ASTN2: variants seen among roughly 807,000 people sequenced by gnomAD.
ASTN2 encodes the protein astrotactin 2.
In ASTN2, 54 loss-of-function variants were observed where a neutral mutation model predicts 139.8. The observed-to-expected ratio is 0.39, with a 90% CI of 0.31 to 0.48. The LOEUF (loss-of-function observed/expected upper bound fraction) is 0.48, where lower values mean the gene tolerates loss of function less well. Among genes scored for constraint, ASTN2 ranks in the 20% least tolerant of loss-of-function variants. The probability of loss-of-function intolerance (pLI) is 0.95; values close to 1 mark genes in which losing one functional copy is unlikely to be tolerated. For missense variants in ASTN2, 1,565 were observed against 1,725.1 expected, an observed-to-expected ratio of 0.91 and a Z score of 1.64; for synonymous variants, 756 against 719.5, an observed-to-expected ratio of 1.05 and a Z score of -0.81.
intron 16 of ASTN2, among the ~76,000 whole-genome samples, chr9:116,661,931 G>A (rs1166164188): frequency 1.3e-5 from 2 of 151,560 alleles, no homozygotes; most frequent in Non-Finnish European, 2.9e-5. Flanking sequence ...GTTAATGGGT[G>A]CAGCACACCA....
chr9:116,627,952 T>C (rs564272101), intron 17 of ASTN2, among the ~76,000 whole-genome samples: 1 of 152,332 alleles, frequency 6.6e-6, no homozygotes, highest in African/African-American at 2.4e-5. Flanking sequence ...TTGCATTTGT[T>C]TCCAAGGTCA....
chr9:117,151,598 T>C (rs908115857), intron 3 of ASTN2, among the ~76,000 whole-genome samples: 15 of 152,250 alleles, frequency 9.9e-5, no homozygotes, highest in African/African-American at 3.6e-4. Context: ...TAACTCCTTT[T>C]GCAAGGAGAA....
chr9:117,055,637 T>A (rs1839037312), intron 5 of ASTN2, among the ~76,000 whole-genome samples: 1 of 152,156 alleles, frequency 6.6e-6, no homozygotes, highest in African/African-American at 2.4e-5. Flanking sequence ...CTGAAGAACA[T>A]CCTGGCTAGA....
intron 6 of ASTN2, among the ~76,000 whole-genome samples, chr9:117,037,325 T>A (rs1453867153): frequency 6.8e-6 from 1 of 147,846 alleles, no homozygotes; most frequent in Non-Finnish European, 1.5e-5. Context: ...CTGTCTCGGG[T>A]AATCCCTTGA....
At chr9:117,175,526 G>A (rs548166496) in intron 3 of ASTN2, among the ~76,000 whole-genome samples, 2 of 152,228 alleles carry the variant, frequency 1.3e-5, no homozygotes, top group African/African-American at 4.8e-5. Context: ...TGCCCTTTCT[G>A]ATACCAAGAT....
At chr9:116,991,893 A>T (rs1343061040) in intron 7 of ASTN2, among the ~76,000 whole-genome samples, 1 of 152,214 alleles carries the variant, frequency 6.6e-6, no homozygotes, top group Non-Finnish European at 1.5e-5. Context: ...GACTGACTCA[A>T]TCTTCAGGCT....
At chr9:116,681,180 A>C (rs1233456729) in intron 16 of ASTN2, among the ~76,000 whole-genome samples, 4 of 152,248 alleles carry the variant, frequency 2.6e-5, no homozygotes, top group Non-Finnish European at 4.4e-5. Flanking sequence ...GCAAAGTCTC[A>C]GGATACAAAA....
At chr9:117,269,409 C>A (rs1471447018) in intron 2 of ASTN2, among the ~76,000 whole-genome samples, 6 of 152,206 alleles carry the variant, frequency 3.9e-5, no homozygotes. Context: ...TTAATGCCAT[C>A]TTCTCCTCTA....
chr9:117,351,152 A>G (rs960978747), intron 1 of ASTN2, among the ~76,000 whole-genome samples: 3 of 152,178 alleles, frequency 2.0e-5, no homozygotes, highest in Non-Finnish European at 4.4e-5. Flanking sequence ...GTAACAAAAA[A>G]CTTAAGATAC....
chr9:116,703,337 T>A (rs1472689883), intron 16 of ASTN2, among the ~76,000 whole-genome samples: 3 of 150,932 alleles, frequency 2.0e-5, no homozygotes, highest in African/African-American at 7.3e-5. Context: ...TTTGTTTTTT[T>A]CTTGTAAATT....
In ASTN2 at chr9:117,142,490, C is replaced by T. The variant is rs1401417387; in HGVS notation, c.1016-1012G>A. Among the ~76,000 whole-genome samples, 4 of 152,314 alleles carry T rather than the reference C, an allele frequency of 2.6e-5. No homozygotes were observed. In the East Asian group the frequency reaches 7.7e-4, roughly 29 times the overall value. ...TTGAGGGGATGTTGAAGCCCCAAAACACAATATATGTCTTACTCCAAGATA... is the reference window on the plus strand; with the variant it reads ...TTGAGGGGATGTTGAAGCCCCAAAATACAATATATGTCTTACTCCAAGATA... On this transcript the variant is annotated intron_variant, in intron 3 of 22. Coordinates refer to ENST00000313400, the MANE Select transcript of ASTN2 (RefSeq NM_001365068.1).
intron 5 of ASTN2, among the ~76,000 whole-genome samples, chr9:117,086,160 GA>G (rs2132733895): frequency 6.6e-6 from 1 of 152,208 alleles, no homozygotes; most frequent in African/African-American, 2.4e-5. Context: ...ATGGACCCTA[GA>G]ATGGTTTTAT....
intron 1 of ASTN2, among the ~76,000 whole-genome samples, chr9:117,353,348 G>A (rs563736599): frequency 6.6e-6 from 1 of 152,166 alleles, no homozygotes; most frequent in Non-Finnish European, 1.5e-5. Flanking sequence ...ATGGAAATGT[G>A]TTACATCTGT....
chr9:117,110,580 A>G (rs1340095335), intron 4 of ASTN2, among the ~76,000 whole-genome samples: 4 of 152,248 alleles, frequency 2.6e-5, no homozygotes, highest in African/African-American at 9.6e-5. Context: ...TGCATATGGT[A>G]CAGAGGAGTA....
chr9:116,555,078 T>G (rs1390845583), intron 19 of ASTN2, among the ~76,000 whole-genome samples: 1 of 152,224 alleles, frequency 6.6e-6, no homozygotes, highest in Non-Finnish European at 1.5e-5. Context: ...GAAAATTAGT[T>G]TGTATAAAGT....
intron 2 of ASTN2, among the ~76,000 whole-genome samples, chr9:117,253,911 G>A (rs1243393243): frequency 6.6e-6 from 1 of 152,138 alleles, no homozygotes; most frequent in Non-Finnish European, 1.5e-5. Flanking sequence ...CACACCCAGA[G>A]GTTCTTATCT....
chr9:116,514,735 C>T (rs10983207), intron 19 of ASTN2, among the ~76,000 whole-genome samples: 22,332 of 152,142 alleles, frequency 0.15, 1,758 homozygotes, highest in East Asian at 0.2. Context: ...CCTTGCAGTT[C>T]GATCTCAGAC....
intron 19 of ASTN2, among the ~76,000 whole-genome samples, chr9:116,548,399 C>T (rs561545552): frequency 3.9e-5 from 6 of 152,304 alleles, no homozygotes; most frequent in East Asian, 1.9e-4. Flanking sequence ...CTTTACTAAA[C>T]GGCAGCTGCT....
intron 19 of ASTN2, among the ~76,000 whole-genome samples, chr9:116,595,967 T>C (rs1854554606): frequency 6.6e-6 from 1 of 152,216 alleles, no homozygotes; most frequent in South Asian, 2.1e-4. Context: ...CTTGGAAAGA[T>C]ATCTGTACCC....
Sources: allele counts gnomAD v4.1 joint callset (sites outside exome capture counted in the v4.1 genomes callset), GRCh38; gene constraint gnomAD v4.1.1; transcripts MANE v1.5; gene names NCBI Gene and HGNC (gene_info 2026-07-23, HGNC 2026-07-21).